The following LAMA5 variants were observed in gnomAD, a reference collection of about 807,000 sequenced individuals.
LAMA5 encodes laminin subunit alpha 5.
Under a neutral mutation model 433.4 loss-of-function variants are expected in LAMA5, and 260 were observed. That is an observed-to-expected ratio of 0.60 (90% CI 0.54 to 0.66). The LOEUF (loss-of-function observed/expected upper bound fraction) is 0.66. Ranked by LOEUF, LAMA5 falls within the 30% of genes least tolerant of loss-of-function variation. LAMA5 has a pLI of 0.00. For missense variants in LAMA5, 5,378 were observed against 5,258.5 expected (o/e 1.02, Z -0.70); for synonymous variants, 2,620 against 2,226.6 (o/e 1.18, Z -4.97).
chr20:62,328,024 G>C lies in LAMA5; in HGVS notation c.4653-14C>G, dbSNP rs750299654. The C allele has an allele frequency of 5.6e-6, 9 of 1,610,474 alleles. No individual in the cohort carries two copies. Among genetic ancestry groups the C allele is most frequent in the Non-Finnish European group, 7.6e-6 (9 of 1,179,674 alleles). On this transcript the variant is annotated splice_polypyrimidine_tract_variant and intron_variant, in intron 35 of 79. Transcript: ENST00000252999. ...TTGGGTCTGCACCTGTGGCAGGGGC[G>C]GGAGCTGAGCCCCCTCCACCCCAGG...
chr20:62,326,996 G>A, intron 38 of LAMA5, 30 bp from the exon 39 acceptor site: 1 of 1,502,462 alleles, frequency 6.7e-7, no homozygotes, highest in Non-Finnish European at 9.2e-7. Flanking sequence ...AGGTGACCTG[G>A]CCAGACTCTG....
Position 62,309,410 on chromosome 20 carries a change from G to T in LAMA5, c.11014C>A (p.Arg3672=). Residue 3672 remains arginine (R), a synonymous_variant, in exon 80 of 80, where the codon CGG becomes AGG. Transcript: ENST00000252999. ...GAGCGAGTCATGGCGACGGGGGACC[G>T]GTTCACCGCCAGCCTCCTCATGCAG... ...CGCMRRLAVN[R]SPVAMTRSVE... 6.3e-7 allele frequency: 1 copy of T among 1,585,674 alleles called. No individual in the cohort carries two copies. Among genetic ancestry groups the T allele is most frequent in the Non-Finnish European group, 8.5e-7 (1 of 1,174,682 alleles).
rs758866956 is a variant in LAMA5, at chr20:62,333,330, TC to T, written c.3128+44del. On this transcript the variant is annotated intron_variant, in intron 25 of 79. Coordinates refer to ENST00000252999, the MANE Select transcript of LAMA5 (RefSeq NM_005560.6). ...TGGGGGAAGCCAGGCACAGTGGGGGTCCAGGAAGCCCCCACCCCGGTCCCAC... is the reference window on the plus strand; with the variant it reads ...TGGGGGAAGCCAGGCACAGTGGGGGTCAGGAAGCCCCCACCCCGGTCCCAC... The T allele has an allele frequency of 2.3e-5, 37 of 1,596,200 alleles. 1 individual carries two copies. In the East Asian group the frequency reaches 6.7e-4, roughly 29 times the overall value.
chr20:62,327,544 G>A lies in LAMA5; in HGVS notation c.4923C>T (p.Ser1641=), dbSNP rs1601334922. 2 of 1,612,896 alleles carry A rather than the reference G, an allele frequency of 1.2e-6. No individual in the cohort carries two copies. Among genetic ancestry groups the A allele is most frequent in the East Asian group, 2.2e-5 (1 of 44,876 alleles). ...GCAGGCGCACCTCCTGGCGGGTGTA[G>A]GACGAGCTCCGGCAGCGCTCCGTGG... The part of the protein sequence containing the change: ...FGATERCRSS[S]YTRQEFVDME... Residue 1641 remains serine, a synonymous_variant, in exon 37 of 80, where the codon TCC becomes TCT. Transcript: ENST00000252999.
At chr20:62,327,750 G>A in intron 36 of LAMA5, 81 bp from the exon 37 acceptor site, 1 of 1,587,112 alleles carries the variant, frequency 6.3e-7, no homozygotes, top group South Asian at 1.1e-5. Context: ...CTGCCAATGG[G>A]GATGACTCTC....
intron 2 of LAMA5, among the ~76,000 whole-genome samples, chr20:62,362,148 C>T (rs2146367132): frequency 6.6e-6 from 1 of 152,348 alleles, no homozygotes; most frequent in African/African-American, 2.4e-5. Flanking sequence ...AACTCTGTGG[C>T]CTTTGGAAAC....
intron 45 of LAMA5, 139 bp from the exon 46 acceptor site, chr20:62,322,897 T>G: frequency 3.5e-6 from 2 of 578,214 alleles, no homozygotes; most frequent in Non-Finnish European, 5.9e-6. Flanking sequence ...TACCCACTCG[T>G]GTCCCAGCCT....
chr20:62,334,044 GTGGGCA>G lies in LAMA5; in HGVS notation c.2740-11_2740-6del. 6.2e-7 allele frequency: 1 copy of G among 1,611,072 alleles called. No homozygotes were observed. Among genetic ancestry groups the G allele is most frequent in the Non-Finnish European group, 8.5e-7 (1 of 1,178,458 alleles). On this transcript the variant is annotated splice_region_variant and splice_polypyrimidine_tract_variant and intron_variant, in intron 22 of 79. Coordinates refer to ENST00000252999, the MANE Select transcript of LAMA5 (RefSeq NM_005560.6). ...CAGCCTGGCCACGATCCTGGGCTGG[GTGGGCA>G]TGGAGCGTCGGGTCACTCTCCCTGA...
rs531467363 is a variant in LAMA5, at chr20:62,365,386, GA to G, written c.297+1562del. ...GAAGCCACACAGCTGAGGCAGAGGA[GA>G]GGGGCGTTGACTACAGGCTGGCCCT... On this transcript the variant is annotated intron_variant, in intron 1 of 79. Coordinates refer to ENST00000252999, the MANE Select transcript of LAMA5 (RefSeq NM_005560.6). Among the ~76,000 whole-genome samples, 664 of 152,368 alleles carry G rather than the reference GA, an allele frequency of 4.4e-3. 2 individuals are homozygous for G. The highest frequency in any genetic ancestry group is 6.8e-3 in the Middle Eastern group (2 of 294).
At chr20:62,328,777 G>T (rs529816255) in intron 34 of LAMA5, 67 bp downstream of exon 34, 122 of 1,467,630 alleles carry the variant, frequency 8.3e-5, no homozygotes, top group Non-Finnish European at 1.1e-4. Context: ...CTTTCTGGTC[G>T]ACCCGTCCAC....
At position 62,311,597 on chromosome 20, in the gene LAMA5, G is replaced by A. The variant is rs1275831279; in HGVS notation, c.9806+17C>T. 8.1e-6 allele frequency: 13 copies of A among 1,607,536 alleles called. No homozygotes were observed. The highest frequency in any genetic ancestry group is 4.4e-5 in the South Asian group (4 of 90,254). ...AGGCCAGCTGGGACCTTGTCCCCCA[G>A]CGCCCACCAGGCTCACCGCTGCACG... On this transcript the variant is annotated intron_variant, in intron 71 of 79. Transcript: ENST00000252999.
intron 57 of LAMA5, 49 bp from the exon 58 acceptor site, chr20:62,316,107 C>G: frequency 7.7e-7 from 1 of 1,306,562 alleles, no homozygotes. Context: ...CCCCAGTATA[C>G]AATTGCAGCC....
chr20:62,322,519 G>C lies in LAMA5; in HGVS notation c.6166-70C>G, dbSNP rs551424440. 84 of 1,498,790 alleles carry C rather than the reference G, an allele frequency of 5.6e-5. No individual in the cohort carries two copies. The South Asian group carries it at 8.9e-4, about 16-fold the overall frequency. 92.8% of individuals were successfully genotyped at this position (1,498,790 alleles called of 1,614,324 possible). On this transcript the variant is annotated intron_variant, in intron 46 of 79. Coordinates refer to ENST00000252999, the MANE Select transcript of LAMA5 (RefSeq NM_005560.6). ...TCCCAGACCAACCTGGAAGCCAGGG[G>C]TCCTGCCCATCTGGCCCCACCCCCT...
chr20:62,352,656 T>A (rs1732775830), intron 3 of LAMA5, among the ~76,000 whole-genome samples: 1 of 151,780 alleles, frequency 6.6e-6, no homozygotes, highest in South Asian at 2.1e-4. Context: ...CCTCCCCCAT[T>A]CTCAGGCCAG....
chr20:62,319,813 A>T lies in LAMA5; in HGVS notation c.6760-18T>A. On this transcript the variant is annotated intron_variant, in intron 50 of 79. Coordinates refer to ENST00000252999, the MANE Select transcript of LAMA5 (RefSeq NM_005560.6). The stretch of plus-strand genomic sequence containing the variant: ...CCCACGGCCTGTGGAGGAAGAGCCC[A>T]CTAGCCCACGCTGCTGGTAGGCGAG... 4 of 1,532,448 alleles carry T rather than the reference A, an allele frequency of 2.6e-6. No individual in the cohort carries two copies. Among genetic ancestry groups the T allele is most frequent in the Non-Finnish European group, 3.5e-6 (4 of 1,135,896 alleles). 94.9% of individuals were successfully genotyped at this position (1,532,448 alleles called of 1,614,324 possible). A position where few individuals can be genotyped will look rare whatever the true frequency, so the allele number is the denominator to read the frequency against.
At chr20:62,348,621 TA>T (rs1983727412) in intron 6 of LAMA5, among the ~76,000 whole-genome samples, 1 of 149,844 alleles carries the variant, frequency 6.7e-6, no homozygotes, top group South Asian at 2.1e-4. Flanking sequence ...AAGAATAAAA[TA>T]AAATAAAAAA....
intron 1 of LAMA5, among the ~76,000 whole-genome samples, chr20:62,362,959 A>G (rs1184869983): frequency 6.6e-6 from 1 of 152,110 alleles, no homozygotes; most frequent in Non-Finnish European, 1.5e-5. Context: ...AAGGTGGATC[A>G]ATGTGTCTAG....
chr20:62,344,409 G>C (rs1983047502), intron 11 of LAMA5, among the ~76,000 whole-genome samples: 2 of 152,190 alleles, frequency 1.3e-5, no homozygotes, highest in African/African-American at 4.8e-5. Context: ...GATTTGGTCA[G>C]CAGGTGCCAT....
At chr20:62,314,766 TG>T in intron 60 of LAMA5, 32 bp downstream of exon 60, 2 of 1,612,738 alleles carry the variant, frequency 1.2e-6, no homozygotes. Context: ...CCACCCTCCC[TG>T]ATGTCCACCT....
Sources: allele counts gnomAD v4.1 joint callset (sites outside exome capture counted in the v4.1 genomes callset), GRCh38; gene constraint gnomAD v4.1.1; transcripts MANE v1.5; gene names NCBI Gene and HGNC (gene_info 2026-07-23, HGNC 2026-07-21).